Variants in FARP1 observed in about 807,000 individuals in gnomAD.
FARP1 encodes the protein FERM, ARHGEF and pleckstrin domain-containing protein 1.
In FARP1, 52 loss-of-function variants were observed where a neutral mutation model predicts 128.8. That is an observed-to-expected ratio of 0.40 (90% CI 0.32 to 0.51). FARP1 has a LOEUF of 0.51. Ranked by LOEUF, FARP1 falls within the 20% of genes least tolerant of loss-of-function variation. The pLI is 0.45. For missense variants in FARP1, 1,333 were observed against 1,367.9 expected, an observed-to-expected ratio of 0.97 and a Z score of 0.40; for synonymous variants, 580 against 551.8, an observed-to-expected ratio of 1.05 and a Z score of -0.72.
rs2139230761 is a variant in FARP1, at chr13:98,453,347, T to TAA, written c.*5031_*5032dup. On this transcript the variant is annotated 3_prime_UTR_variant, in exon 27 of 27. Transcript: ENST00000319562. The stretch of plus-strand genomic sequence containing the variant: ...AATAAGTGGAGCAAATATCAATGTG[T>TAA]AAGTCTAATTTTAAAAGAATGCATA... 1 of 827,656 alleles carries TAA rather than the reference T, an allele frequency of 1.2e-6. No homozygotes were observed. The allele number at this position is 827,656 out of a possible 1,614,324, so 51.3% of individuals were successfully genotyped here.
At chr13:98,225,075 A>G (rs777699825) in intron 2 of FARP1, among the ~76,000 whole-genome samples, 2 of 152,244 alleles carry the variant, frequency 1.3e-5, no homozygotes, top group African/African-American at 2.4e-5. Context: ...TGATGAAGAA[A>G]GAGACTGCTT....
At position 98,377,762 on chromosome 13, in the gene FARP1, A is replaced by G. The variant is rs909958375; in HGVS notation, c.399-59A>G. The G allele has an allele frequency of 3.1e-6, 4 of 1,281,352 alleles. No homozygotes were observed. In the African/African-American group the frequency reaches 5.9e-5, roughly 19 times the overall value. The allele number at this position is 1,281,352 out of a possible 1,614,324, so 79.4% of individuals were successfully genotyped here. A position where few individuals can be genotyped will look rare whatever the true frequency, so the allele number is the denominator to read the frequency against. Reference sequence around the variant, plus strand: ...CTCCTTGGCCTCTCATGGTGAGGCCAGGTTCCCGGTGACCTCCTGCCCTCT... The same window carrying G: ...CTCCTTGGCCTCTCATGGTGAGGCCGGGTTCCCGGTGACCTCCTGCCCTCT... On this transcript the variant is annotated intron_variant, in intron 5 of 26. Transcript: ENST00000319562.
At chr13:98,193,551 C>T (rs1457619034) in intron 1 of FARP1, among the ~76,000 whole-genome samples, 1 of 152,230 alleles carries the variant, frequency 6.6e-6, no homozygotes, top group Non-Finnish European at 1.5e-5. Flanking sequence ...GCTTGCATGT[C>T]ATTAAAACCT....
chr13:98,413,538 T>TGGTCCCAGCTACTGGAGAGGCTGAGG (rs1328732854), intron 16 of FARP1, among the ~76,000 whole-genome samples: 9 of 152,026 alleles, frequency 5.9e-5, no homozygotes, highest in Admixed American at 2.6e-4. Flanking sequence ...TGCAAACATG[T>TGGTCCCAGCTACTGGAGAGGCTGAGG]GGTCCCAGCT....
intron 14 of FARP1, 22 bp downstream of exon 14, chr13:98,409,547 C>G: frequency 6.4e-7 from 1 of 1,573,008 alleles, no homozygotes; most frequent in Non-Finnish European, 8.7e-7. Context: ...AGGGCTCAAG[C>G]GCGTGTGTGG....
At chr13:98,282,909 T>TA (rs913595588) in intron 2 of FARP1, among the ~76,000 whole-genome samples, 10 of 150,784 alleles carry the variant, frequency 6.6e-5, no homozygotes, top group South Asian at 2.1e-4. Flanking sequence ...CAAAAAAAAA[T>TA]AAAAAAAAAT....
chr13:98,344,337 G>T (rs1888092133), intron 3 of FARP1, among the ~76,000 whole-genome samples: 1 of 152,102 alleles, frequency 6.6e-6, no homozygotes, highest in African/African-American at 2.4e-5. Context: ...GGGGTTGGGG[G>T]CAGTAGGAGA....
chr13:98,318,068 C>CTTTT (rs35762706), intron 2 of FARP1, among the ~76,000 whole-genome samples: 1 of 104,176 alleles, frequency 9.6e-6, no homozygotes, highest in Admixed American at 1.1e-4. Context: ...TCTCCTCCTC[C>CTTTT]TTTTTTTTTT....
At chr13:98,309,076 C>T (rs1227253614) in intron 2 of FARP1, among the ~76,000 whole-genome samples, 1 of 145,222 alleles carries the variant, frequency 6.9e-6, no homozygotes, top group Non-Finnish European at 1.5e-5. Flanking sequence ...TGAAATGGAT[C>T]ATTTTAATAT....
chr13:98,381,728 C>T (rs767088200), intron 6 of FARP1: 1 of 152,184 alleles, frequency 6.6e-6, no homozygotes, highest in Non-Finnish European at 1.5e-5. Flanking sequence ...GGGGAAGTTG[C>T]ATCCATTTAT....
intron 1 of FARP1, among the ~76,000 whole-genome samples, chr13:98,165,526 C>T (rs1198296608): frequency 2.6e-5 from 4 of 151,600 alleles, no homozygotes; most frequent in South Asian, 2.1e-4. Flanking sequence ...AACAGAAGGC[C>T]GTGGGAAAAA....
chr13:98,353,420 C>A (rs1888515621), intron 3 of FARP1, among the ~76,000 whole-genome samples: 1 of 152,104 alleles, frequency 6.6e-6, no homozygotes, highest in African/African-American at 2.4e-5. Flanking sequence ...CTCTTGTTGC[C>A]CAGGCTGGAG....
At chr13:98,347,939 A>C (rs1267826069) in intron 3 of FARP1, among the ~76,000 whole-genome samples, 1 of 152,166 alleles carries the variant, frequency 6.6e-6, no homozygotes, top group South Asian at 2.1e-4. Flanking sequence ...TCTCTAGGCA[A>C]TAAGTTGTTG....
chr13:98,372,081 C>CT (rs56838920), intron 5 of FARP1, among the ~76,000 whole-genome samples: 21,013 of 92,056 alleles, frequency 0.23, 2,418 homozygotes, highest in Non-Finnish European at 0.27. Context: ...CCCAGTTTTT[C>CT]TTTTTTTTTT....
At chr13:98,428,798 A>G (rs1891887193) in intron 17 of FARP1, among the ~76,000 whole-genome samples, 1 of 152,216 alleles carries the variant, frequency 6.6e-6, no homozygotes. Context: ...CCCACTGTGT[A>G]TGCCAGGCCC....
At chr13:98,199,971 C>T (rs1374725001) in intron 1 of FARP1, among the ~76,000 whole-genome samples, 1 of 152,134 alleles carries the variant, frequency 6.6e-6, no homozygotes, top group Non-Finnish European at 1.5e-5. Flanking sequence ...AAAGCCTTCT[C>T]TTCTGGTAAT....
intron 1 of FARP1, among the ~76,000 whole-genome samples, chr13:98,204,782 A>G (rs1290659554): frequency 6.6e-6 from 1 of 152,150 alleles, no homozygotes; most frequent in Non-Finnish European, 1.5e-5. Flanking sequence ...CAACATAGCA[A>G]GACTTTGTGC....
At chr13:98,265,358 C>T (rs1323816793) in intron 2 of FARP1, among the ~76,000 whole-genome samples, 10 of 117,794 alleles carry the variant, frequency 8.5e-5, no homozygotes, top group African/African-American at 1.3e-4. Flanking sequence ...CTCGCTCTGT[C>T]GCCCAGGCTG....
intron 1 of FARP1, among the ~76,000 whole-genome samples, chr13:98,188,912 T>G (rs1879055941): frequency 6.6e-6 from 1 of 152,200 alleles, no homozygotes; most frequent in Admixed American, 6.5e-5. Flanking sequence ...CTGAGGACAG[T>G]CTTTGGCCCT....
Sources: allele counts gnomAD v4.1 joint callset (sites outside exome capture counted in the v4.1 genomes callset), GRCh38; gene constraint gnomAD v4.1.1; transcripts MANE v1.5; gene names NCBI Gene and HGNC (gene_info 2026-07-23, HGNC 2026-07-21).